The following HTRA3 variants were observed in gnomAD, a reference collection of about 807,000 sequenced individuals.
HTRA3 encodes the protein HtrA serine peptidase 3.
Under a neutral mutation model 43.2 loss-of-function variants are expected in HTRA3, and 41 were observed. The observed-to-expected ratio is 0.95, with a 90% CI of 0.74 to 1.23. The LOEUF is 1.23. Ranked by LOEUF, HTRA3 falls within the 50% of genes most tolerant of loss-of-function variation. HTRA3 has a pLI of 0.00. For missense variants in HTRA3, 628 were observed against 647.1 expected, an observed-to-expected ratio of 0.97 and a Z score of 0.32; for synonymous variants, 295 against 287.9, an observed-to-expected ratio of 1.02 and a Z score of -0.25.
Position 8,282,495 on chromosome 4 carries a change from GA to G in HTRA3, c.446del (p.Lys149ArgfsTer9). ...KFNFIADVVE[K>X]IAPAVVHIEL... ...TCAACTTCATTGCTGACGTGGTGGA[GA>G]AGATCGCACCAGCCGTGGTCCACAT... On this transcript the variant is annotated frameshift_variant, in exon 2 of 9. Coordinates refer to ENST00000307358, the MANE Select transcript of HTRA3 (RefSeq NM_053044.5). LOFTEE classifies it high-confidence loss of function. The G allele has an allele frequency of 6.2e-7, 1 of 1,614,150 alleles. No homozygotes were observed. The highest frequency in any genetic ancestry group is 8.5e-7 in the Non-Finnish European group (1 of 1,180,010).
rs370000091 is a variant in HTRA3 at position 8,306,049 on chromosome 4, C to T, written c.1275C>T (p.Ala425=). 1.1e-4 allele frequency: 177 copies of T among 1,612,766 alleles called. 1 individual carries two copies. The South Asian group carries it at 1.7e-3, about 15-fold the overall frequency. ...PLVDSSELQE[A]VLTESPLLLE... is the part of the protein sequence containing the mutation. ...TGGACTCGAGTGAGCTGCAGGAGGC[C>T]GTGCTGACCGAGTCTCCTCTCCTAC... is the stretch of plus-strand genomic sequence containing the variant. Residue 425 remains alanine (A), a synonymous_variant, in exon 9 of 9, where the codon GCC becomes GCT. Coordinates refer to ENST00000307358, the MANE Select transcript of HTRA3 (RefSeq NM_053044.5). This position sits in a 1 kb window ranked among gnomAD's most constrained non-coding sequence, Gnocchi z 8.9.
At chr4:8,270,561 T>A (rs1160121765) in intron 1 of HTRA3, among the ~76,000 whole-genome samples, 1 of 151,830 alleles carries the variant, frequency 6.6e-6, no homozygotes. Flanking sequence ...AGAATTAGAG[T>A]CAAAAGGGAA....
At chr4:8,299,889 G>A (rs1419470877) in intron 6 of HTRA3, among the ~76,000 whole-genome samples, 2 of 150,888 alleles carry the variant, frequency 1.3e-5, no homozygotes, top group Non-Finnish European at 2.9e-5. Context: ...GCCCAGGCTG[G>A]AGTACGGTGG....
chr4:8,283,688 C>T (rs781464154), intron 2 of HTRA3, among the ~76,000 whole-genome samples: 2 of 152,202 alleles, frequency 1.3e-5, no homozygotes, highest in East Asian at 1.9e-4. Context: ...AGGGATCAGA[C>T]GGCGGGTCCA....
intron 3 of HTRA3, 64 bp from the exon 4 acceptor site, chr4:8,291,306 C>A: frequency 7.0e-7 from 1 of 1,424,490 alleles, no homozygotes; most frequent in East Asian, 2.3e-5. Context: ...GGATCTGACT[C>A]CGGTCCCCGC....
chr4:8,276,152 A>C (rs1712515095), intron 1 of HTRA3, among the ~76,000 whole-genome samples: 1 of 152,254 alleles, frequency 6.6e-6, no homozygotes, highest in South Asian at 2.1e-4. Flanking sequence ...CTGCTCCAGC[A>C]CATAATGGGC....
chr4:8,270,376 G>T, intron 1 of HTRA3, 23 bp downstream of exon 1: 3 of 1,380,934 alleles, frequency 2.2e-6, no homozygotes, highest in Non-Finnish European at 2.8e-6. Flanking sequence ...GGGCCAGGGA[G>T]GAAGTGAAGC....
At chr4:8,280,550 C>A (rs953477453) in intron 1 of HTRA3, among the ~76,000 whole-genome samples, 3 of 152,190 alleles carry the variant, frequency 2.0e-5, no homozygotes, top group African/African-American at 4.8e-5. Context: ...AGCTTCACCT[C>A]ACCAAGGGAG....
chr4:8,293,682 G>A (rs1203421057), intron 5 of HTRA3, among the ~76,000 whole-genome samples: 2 of 152,090 alleles, frequency 1.3e-5, no homozygotes, highest in Non-Finnish European at 2.9e-5. Flanking sequence ...CCACCTGCCA[G>A]CCCCCCACTT....
chr4:8,304,141 G>T (rs374135430), intron 7 of HTRA3, 43 bp from the exon 8 acceptor site: 5 of 1,545,034 alleles, frequency 3.2e-6, no homozygotes, highest in East Asian at 4.5e-5. Flanking sequence ...AAAGAGCTGG[G>T]CAAAGGCTCA....
chr4:8,282,953 A>T (rs1712814444), intron 2 of HTRA3, among the ~76,000 whole-genome samples: 1 of 152,138 alleles, frequency 6.6e-6, no homozygotes, highest in Non-Finnish European at 1.5e-5. Flanking sequence ...GGCTCGGGGC[A>T]GTGGGAACCG....
At chr4:8,291,306 C>T in intron 3 of HTRA3, 64 bp from the exon 4 acceptor site, 1 of 1,424,490 alleles carries the variant, frequency 7.0e-7, no homozygotes, top group Non-Finnish European at 9.9e-7. Flanking sequence ...GGATCTGACT[C>T]CGGTCCCCGC....
intron 1 of HTRA3, among the ~76,000 whole-genome samples, chr4:8,276,812 C>T (rs1185715805): frequency 6.6e-6 from 1 of 151,908 alleles, no homozygotes; most frequent in Non-Finnish European, 1.5e-5. Context: ...AGGGCCAGCA[C>T]GGAGCAGGGG....
In HTRA3 at chr4:8,270,177, G is replaced by C; in HGVS notation, c.209G>C (p.Cys70Ser). The C allele has an allele frequency of 1.3e-6, 2 of 1,536,576 alleles. No individual in the cohort carries two copies. The highest frequency in any genetic ancestry group is 1.7e-6 in the Non-Finnish European group (2 of 1,154,938). The part of the protein sequence containing the change: ...EPCGGPLDSP[C>S]GESLECVRGL... The stretch of plus-strand genomic sequence containing the variant: ...TGTGGCGGCCCTCTGGACTCGCCTT[G>C]CGGCGAGAGCCTGGAGTGCGTGCGC... The change falls in exon 1 of 9, where the codon TGC becomes TCC. Residue 70 changes from cysteine to serine, a missense_variant. Cys to Ser is a moderately radical substitution (Grantham distance 112). Transcript: ENST00000307358.
At position 8,272,227 on chromosome 4, in the gene HTRA3, TTCTC is replaced by T. The variant is rs1334023211; in HGVS notation, c.385+1876_385+1879del. 2.0e-5 allele frequency among the ~76,000 whole-genome samples: 3 copies of T among 152,164 alleles called. No homozygotes were observed. In the East Asian group the frequency reaches 5.8e-4, roughly 29 times the overall value. On this transcript the variant is annotated intron_variant, in intron 1 of 8. Coordinates refer to ENST00000307358, the MANE Select transcript of HTRA3 (RefSeq NM_053044.5). ...TCTGGAGTTCGCGTCATGAGGCACTTTCTCTGTGTGCCTGGCTGGCCCCAGGCTG... is the reference window on the plus strand; with the variant it reads ...TCTGGAGTTCGCGTCATGAGGCACTTTGTGTGCCTGGCTGGCCCCAGGCTG...
rs114581328 is a variant in HTRA3 at position 8,290,513 on chromosome 4, C to T, written c.709-857C>T. Among the ~76,000 whole-genome samples the T allele has an allele frequency of 8.6e-3, 1,311 of 152,352 alleles. 25 individuals carry two copies. The highest frequency in any genetic ancestry group is 0.03 in the African/African-American group (1,234 of 41,582). On this transcript the variant is annotated intron_variant, in intron 3 of 8. Transcript: ENST00000307358. ...GGTAGTGCCACAAGGTCCCAGGAGA[C>T]TTTCCGCCAGCTTCCCTCAACGGTG... is the stretch of plus-strand genomic sequence containing the variant.
intron 1 of HTRA3, among the ~76,000 whole-genome samples, chr4:8,271,794 C>A (rs1712288266): frequency 6.6e-6 from 1 of 152,206 alleles, no homozygotes; most frequent in South Asian, 2.1e-4. Flanking sequence ...AAAGGAGGAA[C>A]CCTTGTGACC....
At chr4:8,292,677 A>G (rs1713296754) in intron 5 of HTRA3, among the ~76,000 whole-genome samples, 1 of 152,190 alleles carries the variant, frequency 6.6e-6, no homozygotes, top group South Asian at 2.1e-4. Flanking sequence ...CTGGATGTAC[A>G]CACAGGATGA....
In HTRA3 at chr4:8,295,752, A is replaced by C; in HGVS notation, c.1051+1551A>C. On this transcript the variant is annotated intron_variant, in intron 6 of 8. Coordinates refer to ENST00000307358, the MANE Select transcript of HTRA3 (RefSeq NM_053044.5). This position sits in a 1 kb window ranked among gnomAD's most constrained non-coding sequence, Gnocchi z 6.9. ...GCTTCCTCACGTTTCCCCCTCCTCC[A>C]TGACCCCGTCAGCCAAGCACATGGA... The C allele has an allele frequency of 7.6e-7, 1 of 1,317,092 alleles. No individual in the cohort carries two copies. Among genetic ancestry groups the C allele is most frequent in the Non-Finnish European group, 9.7e-7 (1 of 1,030,508 alleles). 81.6% of individuals were successfully genotyped at this position (1,317,092 alleles called of 1,614,324 possible).
Sources: gnomAD v4.1 joint callset for allele counts (sites outside exome capture counted in the v4.1 genomes callset) on GRCh38, gnomAD v4.1.1 for gene constraint, Gnocchi (gnomAD v3.1) non-coding constraint, MANE v1.5 for transcripts, NCBI Gene and HGNC (gene_info 2026-07-23, HGNC 2026-07-21) for gene names.